Variants in LRRFIP2 observed in about 807,000 individuals in gnomAD.
LRRFIP2 encodes the protein leucine-rich repeat flightless-interacting protein 2.
In LRRFIP2, 109 loss-of-function variants were observed where a neutral mutation model predicts 125.9. The observed-to-expected ratio is 0.87, with a 90% CI of 0.74 to 1.01. The LOEUF (loss-of-function observed/expected upper bound fraction) is 1.01. Ranked by LOEUF, LRRFIP2 falls within the 50% of genes least tolerant of loss-of-function variation. The pLI is 0.00. For synonymous variants in LRRFIP2, 291 were observed against 293.1 expected, an observed-to-expected ratio of 0.99 and a Z score of 0.07; for missense variants, 850 against 862.3, an observed-to-expected ratio of 0.99 and a Z score of 0.18.
chr3:37,138,140 A>T (rs780430710), intron 2 of LRRFIP2, among the ~76,000 whole-genome samples: 7 of 152,246 alleles, frequency 4.6e-5, no homozygotes, highest in Non-Finnish European at 1.0e-4. Flanking sequence ...TGAGGTAAAA[A>T]TGTCTCAAAG....
At position 37,094,844 on chromosome 3, in the gene LRRFIP2, C is replaced by T. The variant is rs2149227010; in HGVS notation, c.983G>A (p.Ser328Asn). ...PLSGNSSRRG[S>N]GDTSSLIDPD... ...ATCTATTAAGCTGCTGGTGTCCCCACTTCCTCGTCTGGATGAGTTTCCACT... is the reference window on the plus strand; with the variant it reads ...ATCTATTAAGCTGCTGGTGTCCCCATTTCCTCGTCTGGATGAGTTTCCACT... The change falls in exon 17 of 28, where the codon AGT becomes AAT. Residue 328 changes from serine to asparagine, a missense_variant. Ser to Asn is a conservative substitution (Grantham distance 46). Transcript: ENST00000336686. The T allele has an allele frequency of 6.2e-7, 1 of 1,614,002 alleles. No individual in the cohort carries two copies. The highest frequency in any genetic ancestry group is 1.1e-5 in the South Asian group (1 of 91,080).
intron 1 of LRRFIP2, among the ~76,000 whole-genome samples, chr3:37,152,927 A>G (rs1440133084): frequency 2.0e-5 from 3 of 152,248 alleles, no homozygotes; most frequent in African/African-American, 7.2e-5. Flanking sequence ...TCACAGAAGC[A>G]GGAAACAAAA....
intron 2 of LRRFIP2, chr3:37,135,188 C>T (rs2095526419): frequency 2.3e-6 from 2 of 885,476 alleles, no homozygotes; most frequent in East Asian, 5.2e-5. Context: ...AGGCTGGGCA[C>T]GTTGGCTCAC....
At chr3:37,124,722 A>G (rs2095207958) in intron 4 of LRRFIP2, among the ~76,000 whole-genome samples, 2 of 152,190 alleles carry the variant, frequency 1.3e-5, no homozygotes, top group South Asian at 2.1e-4. Flanking sequence ...TACTGGCTAA[A>G]TTTCCACCAA....
At chr3:37,097,028 C>T (rs956207146) in intron 15 of LRRFIP2, among the ~76,000 whole-genome samples, 1 of 151,666 alleles carries the variant, frequency 6.6e-6, no homozygotes, top group Non-Finnish European at 1.5e-5. Flanking sequence ...AAACCAAAAG[C>T]GAAAAACTTT....
chr3:37,111,551 C>A (rs1265349585), intron 8 of LRRFIP2, among the ~76,000 whole-genome samples: 1 of 152,188 alleles, frequency 6.6e-6, no homozygotes, highest in Non-Finnish European at 1.5e-5. Context: ...ACGGCAGGTT[C>A]ATTTATACAA....
chr3:37,129,244 A>G (rs2095363610), intron 2 of LRRFIP2, 95 bp from the exon 3 acceptor site: 1 of 1,016,180 alleles, frequency 9.8e-7, no homozygotes, highest in South Asian at 1.3e-5. Context: ...TACCACGCAA[A>G]AGGGGTGGGC....
chr3:37,109,366 A>G (rs1299930379), intron 11 of LRRFIP2, among the ~76,000 whole-genome samples, 161 bp downstream of exon 11: 2 of 152,184 alleles, frequency 1.3e-5, no homozygotes, highest in African/African-American at 2.4e-5. Context: ...TTAATACCCT[A>G]AAGTTGTATA....
chr3:37,091,475 C>G lies in LRRFIP2; in HGVS notation c.1099G>C (p.Glu367Gln). ...VEGRYMQGLK[E>Q]LKESLSEVEE... ...AGAATGGGCCCTGATACCTTTAGTT[C>G]TTTAAGCCCCTGCATGTATCTCCCT... Residue 367 changes from glutamate (E) to glutamine (Q), a missense_variant, in exon 18 of 28, where the codon GAA becomes CAA. Physicochemically the swap from Glu to Gln is conservative, Grantham distance 29. Coordinates refer to ENST00000336686, the MANE Select transcript of LRRFIP2 (RefSeq NM_006309.4). 6.2e-7 allele frequency: 1 copy of G among 1,611,164 alleles called. No individual in the cohort carries two copies. Among genetic ancestry groups the G allele is most frequent in the Non-Finnish European group, 8.5e-7 (1 of 1,178,700 alleles).
intron 2 of LRRFIP2, among the ~76,000 whole-genome samples, chr3:37,141,304 T>A (rs1471522507): frequency 6.6e-6 from 1 of 151,968 alleles, no homozygotes; most frequent in East Asian, 1.9e-4. Context: ...GAAAATCAAA[T>A]GTAAATTCCT....
intron 15 of LRRFIP2, among the ~76,000 whole-genome samples, chr3:37,101,462 C>T (rs556952822): frequency 6.6e-6 from 1 of 151,564 alleles, no homozygotes; most frequent in African/African-American, 2.4e-5. Flanking sequence ...GTCAGGAATT[C>T]GAGACCAGCC....
At chr3:37,110,926 A>C in intron 9 of LRRFIP2, 65 bp downstream of exon 9, 2 of 1,470,326 alleles carry the variant, frequency 1.4e-6, no homozygotes, top group Non-Finnish European at 1.9e-6. Context: ...AAAATGCAAA[A>C]TGGGGAGATT....
intron 2 of LRRFIP2, among the ~76,000 whole-genome samples, chr3:37,144,945 A>C (rs2095818727): frequency 6.6e-6 from 1 of 152,186 alleles, no homozygotes; most frequent in Non-Finnish European, 1.5e-5. Context: ...GCAAAGACTC[A>C]GAGTTCACTG....
intron 19 of LRRFIP2, among the ~76,000 whole-genome samples, chr3:37,075,725 A>G (rs996818358): frequency 1.2e-4 from 18 of 152,136 alleles, no homozygotes; most frequent in African/African-American, 3.9e-4. Context: ...TTGAAAGAAA[A>G]ACACAAGAAA....
rs2085897902 is a variant in LRRFIP2 at position 37,052,885 on chromosome 3, C to G, written c.*966G>C. Reference sequence around the variant, plus strand: ...GTACCTCTAAAGGTGAAACTCAAGTCTTTAAAAGTTCTACATTCCAGATTG... The same window carrying G: ...GTACCTCTAAAGGTGAAACTCAAGTGTTTAAAAGTTCTACATTCCAGATTG... On this transcript the variant is annotated 3_prime_UTR_variant, in exon 28 of 28. Transcript: ENST00000336686. 6.6e-6 allele frequency: 1 copy of G among 152,184 alleles called. No homozygotes were observed. Among genetic ancestry groups the G allele is most frequent in the African/African-American group, 2.4e-5 (1 of 41,458 alleles). 9.4% of individuals were successfully genotyped at this position (152,184 alleles called of 1,614,324 possible).
In LRRFIP2 at chr3:37,167,210, A is replaced by AAG. The variant is rs1553842347; in HGVS notation, c.-56+7328_-56+7329insCT. ...AAATCTTGTCTCCAAAAAAAAAAAAAAAAGAAAGAAAGAAAGAAAAGAAGA... is the reference window on the plus strand; with the variant it reads ...AAATCTTGTCTCCAAAAAAAAAAAAAAGAAAGAAAGAAAGAAAGAAAAGAAGA... On this transcript the variant is annotated intron_variant, in intron 1 of 27. Transcript: ENST00000336686. Among the ~76,000 whole-genome samples the AAG allele has an allele frequency of 2.8e-3, 415 of 150,114 alleles. 2 individuals are homozygous for AAG. Among genetic ancestry groups the AAG allele is most frequent in the African/African-American group, 1.0e-2 (406 of 40,792 alleles).
chr3:37,064,221 G>GA (rs904924232), intron 23 of LRRFIP2: 5 of 158,668 alleles, frequency 3.2e-5, no homozygotes, highest in African/African-American at 9.6e-5. Context: ...CTAGAGAAGA[G>GA]AAAAGAGAGG....
intron 1 of LRRFIP2, among the ~76,000 whole-genome samples, chr3:37,156,294 G>A (rs1454659707): frequency 6.6e-6 from 1 of 151,976 alleles, no homozygotes; most frequent in Non-Finnish European, 1.5e-5. Context: ...AGCCTAGAAA[G>A]CAAAGTGAAA....
chr3:37,120,481 A>C (rs975979483), intron 6 of LRRFIP2, among the ~76,000 whole-genome samples: 3 of 152,240 alleles, frequency 2.0e-5, no homozygotes, highest in African/African-American at 4.8e-5. Flanking sequence ...TACTCTAAAA[A>C]GACAGTACAT....
Sources: allele counts gnomAD v4.1 joint callset (sites outside exome capture counted in the v4.1 genomes callset), GRCh38; gene constraint gnomAD v4.1.1; transcripts MANE v1.5; gene names NCBI Gene and HGNC (gene_info 2026-07-23, HGNC 2026-07-21).